Variants in ENPP6 observed in about 807,000 individuals in gnomAD.
ENPP6 encodes the protein glycerophosphocholine cholinephosphodiesterase ENPP6.
A neutral mutation model predicts 42.0 loss-of-function variants in ENPP6; 32 were observed. The observed-to-expected ratio is 0.76, with a 90% confidence interval of 0.58 to 1.02. ENPP6 has a LOEUF of 1.02. Ranked by LOEUF, ENPP6 falls within the 50% of genes least tolerant of loss-of-function variation. The probability of loss-of-function intolerance (pLI) is 0.00; values close to 1 mark genes in which losing one functional copy is unlikely to be tolerated. For synonymous variants in ENPP6, 213 were observed against 216.0 expected, an observed-to-expected ratio of 0.99 and a Z score of 0.12; for missense variants, 552 against 566.8, an observed-to-expected ratio of 0.97 and a Z score of 0.27.
rs369491866 is a variant in ENPP6 at position 184,217,608 on chromosome 4, G to A, written c.212C>T (p.Ser71Leu). Residue 71 changes from serine (S) to leucine (L), a missense_variant, in exon 1 of 8, where the codon TCG becomes TTG. Physicochemically the swap from Ser to Leu is moderately radical, Grantham distance 145. Around this residue, in one of 2 missense-constraint regions of ENPP6, gnomAD observed 545 missense variants for 546.3 expected, o/e 1.00. Coordinates refer to ENST00000296741, the MANE Select transcript of ENPP6 (RefSeq NM_153343.4). ...CATTAGGGTATAATAATTGGGATAC[G>A]AGAGACTAGGGAAGTCTGGAGTCAA... The part of the protein sequence containing the change: ...DYLTPDFPSL[S>L]YPNYYTLMTG... 13 of 1,614,114 alleles carry A rather than the reference G, an allele frequency of 8.1e-6. No homozygotes were observed. Among genetic ancestry groups the A allele is most frequent in the African/African-American group, 6.7e-5 (5 of 74,950 alleles).
chr4:184,091,174 C>A lies in ENPP6; in HGVS notation c.*3G>T. The A allele has an allele frequency of 6.6e-7, 1 of 1,522,562 alleles. No individual in the cohort carries two copies. The highest frequency in any genetic ancestry group is 1.3e-5 in the South Asian group (1 of 77,224). The allele number at this position is 1,522,562 out of a possible 1,614,324, so 94.3% of individuals were successfully genotyped here. On this transcript the variant is annotated 3_prime_UTR_variant, in exon 8 of 8. Transcript: ENST00000296741. Reference sequence around the variant, plus strand: ...TTTTTTCTGAGACAAGCAATATGATCAGTTATGCAAGCAGGAAGAGAAGAA... The same window carrying A: ...TTTTTTCTGAGACAAGCAATATGATAAGTTATGCAAGCAGGAAGAGAAGAA...
At chr4:184,163,543 G>GT (rs762607405) in intron 1 of ENPP6, among the ~76,000 whole-genome samples, 78 of 152,046 alleles carry the variant, frequency 5.1e-4, no homozygotes, top group Non-Finnish European at 8.5e-4. Flanking sequence ...AAAGCTCTCG[G>GT]TTTAAAAAAA....
At chr4:184,174,836 A>T (rs983383582) in intron 1 of ENPP6, among the ~76,000 whole-genome samples, 4 of 152,200 alleles carry the variant, frequency 2.6e-5, no homozygotes, top group Non-Finnish European at 5.9e-5. Context: ...CAATGACCCA[A>T]TGGCCACCTT....
At chr4:184,206,885 C>A (rs1406828593) in intron 1 of ENPP6, among the ~76,000 whole-genome samples, 1 of 152,236 alleles carries the variant, frequency 6.6e-6, no homozygotes, top group Non-Finnish European at 1.5e-5. Context: ...CCCGGACTGT[C>A]TTGGGGAGAT....
intron 1 of ENPP6, among the ~76,000 whole-genome samples, chr4:184,216,189 C>A (rs958161795): frequency 1.1e-4 from 17 of 152,294 alleles, no homozygotes; most frequent in African/African-American, 3.8e-4. Context: ...CACACAATCA[C>A]GTCTATGTGA....
chr4:184,130,425 G>T (rs898598733), intron 2 of ENPP6, among the ~76,000 whole-genome samples: 1 of 118,376 alleles, frequency 8.4e-6, no homozygotes, highest in Non-Finnish European at 1.8e-5. Flanking sequence ...GGGCGTGGTG[G>T]TGGGCACCTG....
chr4:184,097,399 T>G (rs1735930377), intron 6 of ENPP6, 31 bp from the exon 7 acceptor site: 1 of 1,612,518 alleles, frequency 6.2e-7, no homozygotes, highest in Non-Finnish European at 8.5e-7. Context: ...CACATGACAC[T>G]ACGTCCTGAC....
intron 1 of ENPP6, among the ~76,000 whole-genome samples, chr4:184,204,843 ATTAGT>A (rs1209919227): frequency 6.6e-6 from 1 of 152,150 alleles, no homozygotes; most frequent in African/African-American, 2.4e-5. Flanking sequence ...TCTCCTCCTT[ATTAGT>A]TTAGAAGTGT....
At position 184,213,277 on chromosome 4, in the gene ENPP6, G is replaced by T. The variant is rs921975027; in HGVS notation, c.241+4302C>A. Among the ~76,000 whole-genome samples the T allele has an allele frequency of 9.5e-4, 144 of 151,766 alleles. 1 individual carries two copies. The Middle Eastern group carries it at 0.014, about 14-fold the overall frequency. Reference sequence around the variant, plus strand: ...ACTGAAGAGCTTCTGCACAGCAAAAGAAACTACCATCAGAGTGAACAGGCA... The same window carrying T: ...ACTGAAGAGCTTCTGCACAGCAAAATAAACTACCATCAGAGTGAACAGGCA... On this transcript the variant is annotated intron_variant, in intron 1 of 7. Coordinates refer to ENST00000296741, the MANE Select transcript of ENPP6 (RefSeq NM_153343.4).
In ENPP6 at chr4:184,090,969, T is replaced by C; in HGVS notation, c.*208A>G. The C allele has an allele frequency of 2.1e-6, 1 of 483,168 alleles. No homozygotes were observed. The highest frequency in any genetic ancestry group is 3.5e-6 in the Non-Finnish European group (1 of 285,568). The allele number at this position is 483,168 out of a possible 1,614,324, so 29.9% of individuals were successfully genotyped here. A position where few individuals can be genotyped will look rare whatever the true frequency, so the allele number is the denominator to read the frequency against. ...ACTGCACAAATGGAAAGCTAGGATT[T>C]TCCTACCTTCTGGAAAAACAAGGTT... On this transcript the variant is annotated 3_prime_UTR_variant, in exon 8 of 8. Transcript: ENST00000296741.
rs1157222892 is a variant in ENPP6 at position 184,097,351 on chromosome 4, C to T, written c.1011G>A (p.Pro337=). ...GCCTGCCGGTGCTGTTCATCCAAAA[C>T]GGAAGCATCTCTCGATTCTGAAACC... The part of the protein sequence containing the change: ...WFITENREML[P]FWMNSTGRRE... The change falls in exon 7 of 8, where the codon CCG becomes CCA. Residue 337 remains proline, a synonymous_variant. Coordinates refer to ENST00000296741, the MANE Select transcript of ENPP6 (RefSeq NM_153343.4). The T allele has an allele frequency of 1.9e-6, 3 of 1,614,034 alleles. No homozygotes were observed. Among genetic ancestry groups the T allele is most frequent in the African/African-American group, 2.7e-5 (2 of 74,922 alleles).
intron 1 of ENPP6, among the ~76,000 whole-genome samples, chr4:184,164,778 C>G (rs75463627): frequency 6.6e-6 from 1 of 152,182 alleles, no homozygotes; most frequent in African/African-American, 2.4e-5. Context: ...TTGTTAGCCC[C>G]GCTTTCCAGG....
intron 3 of ENPP6, among the ~76,000 whole-genome samples, chr4:184,119,225 A>G (rs1560983742): frequency 6.6e-6 from 1 of 152,074 alleles, no homozygotes; most frequent in Non-Finnish European, 1.5e-5. Flanking sequence ...CAGCTCTAAC[A>G]TTATGGTTTG....
chr4:184,217,533 G>T lies in ENPP6; in HGVS notation c.241+46C>A, dbSNP rs1233661687. ...GCCAGGAGCTCACTGTTCCCTGCTG[G>T]ATGCCAGCCCTCCCCTCCCTGCCCA... is the stretch of plus-strand genomic sequence containing the variant. On this transcript the variant is annotated intron_variant, in intron 1 of 7. Transcript: ENST00000296741. 3.1e-6 allele frequency: 5 copies of T among 1,607,362 alleles called. No homozygotes were observed. In the South Asian group the frequency reaches 5.5e-5, roughly 18 times the overall value.
Position 184,126,467 on chromosome 4 carries a change from C to G in ENPP6, c.422-2195G>C, listed in dbSNP as rs140519233. 6.6e-4 allele frequency among the ~76,000 whole-genome samples: 100 copies of G among 152,282 alleles called. 1 individual carries two copies. In the East Asian group the frequency reaches 0.013, roughly 20 times the overall value. ...AATTAATTTTAATTTAAACAAACAT[C>G]ATGGCAGCAGCCTACCGTGGCTACC... On this transcript the variant is annotated intron_variant, in intron 2 of 7. Coordinates refer to ENST00000296741, the MANE Select transcript of ENPP6 (RefSeq NM_153343.4).
intron 1 of ENPP6, among the ~76,000 whole-genome samples, chr4:184,164,469 A>C (rs1178030491): frequency 6.6e-6 from 1 of 152,178 alleles, no homozygotes; most frequent in Non-Finnish European, 1.5e-5. Context: ...TGTCCTTATA[A>C]AAACGGGAAA....
At chr4:184,164,276 C>A (rs930256697) in intron 1 of ENPP6, among the ~76,000 whole-genome samples, 1 of 152,146 alleles carries the variant, frequency 6.6e-6, no homozygotes, top group African/African-American at 2.4e-5. Flanking sequence ...GTGACGCTTG[C>A]TATATTGTAG....
chr4:184,131,267 C>CTTTCTTT (rs758706653), intron 2 of ENPP6, among the ~76,000 whole-genome samples: 2 of 71,112 alleles, frequency 2.8e-5, no homozygotes, highest in African/African-American at 5.8e-5. Context: ...TCTCTTCCTT[C>CTTTCTTT]CTTCCTTCCT....
At chr4:184,097,994 C>T (rs962388128) in intron 6 of ENPP6, among the ~76,000 whole-genome samples, 18 of 152,236 alleles carry the variant, frequency 1.2e-4, no homozygotes, top group African/African-American at 4.1e-4. Context: ...GCCCACGGGG[C>T]GTGCGGTTCC....
Sources: allele counts gnomAD v4.1 joint callset (sites outside exome capture counted in the v4.1 genomes callset), GRCh38; gene constraint gnomAD v4.1.1; regional missense constraint gnomAD v4.1.1; transcripts MANE v1.5; gene names NCBI Gene and HGNC (gene_info 2026-07-23, HGNC 2026-07-21).